Variants in TCERG1L observed in about 807,000 individuals in gnomAD.
TCERG1L encodes the protein transcription elongation regulator 1-like protein.
TCERG1L carries 37 observed loss-of-function variants against 56.3 expected under a neutral mutation model. That is an observed-to-expected ratio of 0.66 (90% CI 0.51 to 0.87). The LOEUF (loss-of-function observed/expected upper bound fraction) is 0.87. Among genes scored for constraint, TCERG1L ranks in the 40% least tolerant of loss-of-function variants. The probability of loss-of-function intolerance (pLI) is 0.00; values close to 1 mark genes in which losing one functional copy is unlikely to be tolerated. For synonymous variants in TCERG1L, 324 were observed against 326.3 expected, an observed-to-expected ratio of 0.99 and a Z score of 0.08; for missense variants, 799 against 774.2, an observed-to-expected ratio of 1.03 and a Z score of -0.38.
chr10:131,263,242 T>C (rs1455524360), intron 3 of TCERG1L, among the ~76,000 whole-genome samples: 1 of 152,170 alleles, frequency 6.6e-6, no homozygotes, highest in Non-Finnish European at 1.5e-5. Context: ...TTCTAAAAAG[T>C]ATGTCATGGA....
At chr10:131,307,848 C>T (rs1056760167) in intron 3 of TCERG1L, among the ~76,000 whole-genome samples, 14 of 152,114 alleles carry the variant, frequency 9.2e-5, no homozygotes, top group South Asian at 2.1e-4. Context: ...ATTCCTTGCA[C>T]GTCGCCACAG....
intron 4 of TCERG1L, among the ~76,000 whole-genome samples, chr10:131,239,503 A>G (rs977864390): frequency 1.3e-5 from 2 of 152,254 alleles, no homozygotes; most frequent in Non-Finnish European, 2.9e-5. Flanking sequence ...AAATAATGAA[A>G]ACAAGTTTGG....
intron 4 of TCERG1L, among the ~76,000 whole-genome samples, chr10:131,258,747 A>C (rs1846202473): frequency 6.6e-6 from 1 of 152,334 alleles, no homozygotes; most frequent in African/African-American, 2.4e-5. Context: ...CTGAACACGC[A>C]TTATTGCAAA....
At chr10:131,164,208 TAA>T (rs1002099149) in intron 5 of TCERG1L, 5 of 149,754 alleles carry the variant, frequency 3.3e-5, no homozygotes, top group African/African-American at 1.2e-4. Context: ...GCCCTAAAAT[TAA>T]AAAGAGAGAA....
chr10:131,154,757 T>C (rs1845901581), intron 6 of TCERG1L, among the ~76,000 whole-genome samples: 1 of 152,180 alleles, frequency 6.6e-6, no homozygotes, highest in South Asian at 2.1e-4. Flanking sequence ...TGTCTGGCCA[T>C]GGTTGCCACC....
At chr10:131,115,170 C>T (rs766451584) in intron 9 of TCERG1L, among the ~76,000 whole-genome samples, 15 of 152,250 alleles carry the variant, frequency 9.9e-5, no homozygotes, top group East Asian at 1.9e-4. Flanking sequence ...GTGAGAGGGC[C>T]GCCTAGTCAC....
chr10:131,133,928 C>T (rs867575491), intron 8 of TCERG1L, among the ~76,000 whole-genome samples: 7 of 152,332 alleles, frequency 4.6e-5, no homozygotes, highest in Middle Eastern at 3.4e-3. Flanking sequence ...AAAGCCTCAT[C>T]TTATACATGA....
In TCERG1L at chr10:131,146,583, A is replaced by G. The variant is rs1212824293; in HGVS notation, c.1112T>C (p.Met371Thr). 6.2e-7 allele frequency: 1 copy of G among 1,613,954 alleles called. No individual in the cohort carries two copies. The highest frequency in any genetic ancestry group is 8.5e-7 in the Non-Finnish European group (1 of 1,179,888). ...GAGGTCTCCGCGGTCCTTCAGGTCCATGGGCTTCTCCCAGACAGACAGGTG... is the reference window on the plus strand; with the variant it reads ...GAGGTCTCCGCGGTCCTTCAGGTCCGTGGGCTTCTCCCAGACAGACAGGTG... ...TMHLSVWEKP[M>T]DLKDRGDLNR... The change falls in exon 7 of 12, where the codon ATG (methionine) becomes ACG (threonine). Residue 371 changes from methionine to threonine, a missense_variant. Met to Thr is a moderately conservative substitution (Grantham distance 81). Coordinates refer to ENST00000368642, the MANE Select transcript of TCERG1L (RefSeq NM_174937.4).
At chr10:131,225,209 C>A (rs949900979) in intron 4 of TCERG1L, among the ~76,000 whole-genome samples, 2 of 152,136 alleles carry the variant, frequency 1.3e-5, no homozygotes, top group African/African-American at 2.4e-5. Flanking sequence ...AAGCAGAGAG[C>A]AAAAATGCTA....
At chr10:131,309,512 C>T (rs10829970) in intron 1 of TCERG1L, among the ~76,000 whole-genome samples, 10,760 of 152,124 alleles carry the variant, frequency 0.071, 472 homozygotes, top group East Asian at 0.17. Context: ...CAAAGCATTA[C>T]CAACATTGCA....
rs751844942 is a variant in TCERG1L at position 131,260,377 on chromosome 10, A to AGCG, written c.735_737dup (p.Ala247dup). 40 of 1,496,594 alleles carry AGCG rather than the reference A, an allele frequency of 2.7e-5. No homozygotes were observed. The highest frequency in any genetic ancestry group is 5.5e-5 in the East Asian group (2 of 36,658). The allele number at this position is 1,496,594 out of a possible 1,614,324, so 92.7% of individuals were successfully genotyped here. A position where few individuals can be genotyped will look rare whatever the true frequency, so the allele number is the denominator to read the frequency against. On this transcript the variant is annotated inframe_insertion, in exon 4 of 12. Transcript: ENST00000368642. The surrounding 1 kb of genome is among the most constrained non-coding windows in gnomAD (Gnocchi z 5.8). ...TCTCAGGGTCCACGGAGACCATGGCAGCGGCGGCGGCGGTGGCGATGGCAA... is the reference window on the plus strand; with the variant it reads ...TCTCAGGGTCCACGGAGACCATGGCAGCGGCGGCGGCGGCGGTGGCGATGGCAA...
chr10:131,244,421 G>A (rs902475906), intron 4 of TCERG1L, among the ~76,000 whole-genome samples: 1 of 152,184 alleles, frequency 6.6e-6, no homozygotes, highest in Non-Finnish European at 1.5e-5. Context: ...TGGGAGAGTG[G>A]AGCATGCAGA....
chr10:131,220,206 C>T (rs1300408270), intron 4 of TCERG1L, among the ~76,000 whole-genome samples: 2 of 152,194 alleles, frequency 1.3e-5, no homozygotes, highest in South Asian at 2.1e-4. Context: ...CCCTGGCTCT[C>T]GGGCCTATTG....
At position 131,166,870 on chromosome 10, in the gene TCERG1L, C is replaced by T. The variant is rs1478202224; in HGVS notation, c.872G>A (p.Arg291Gln). 8.1e-6 allele frequency: 13 copies of T among 1,612,298 alleles called. No homozygotes were observed. The highest frequency in any genetic ancestry group is 2.2e-5 in the East Asian group (1 of 44,896). ...GGCAGGAGGGCGGGCCACTCGGCCC[C>T]GCTCTGTCCTTGTATCTGTTGGGCC... ...TSPVSDTRTE[R>Q]GRVARPPALM... The change falls in exon 5 of 12, where the codon CGG (arginine) becomes CAG (glutamine). Residue 291 changes from arginine (R) to glutamine (Q), a missense_variant. Transcript: ENST00000368642.
At chr10:131,124,220 C>T (rs1015827399) in intron 8 of TCERG1L, among the ~76,000 whole-genome samples, 4 of 152,236 alleles carry the variant, frequency 2.6e-5, no homozygotes, top group East Asian at 3.9e-4. Flanking sequence ...TTACAGGACC[C>T]GCTGCCAGGC....
chr10:131,098,789 GC>G (rs1186729227), intron 10 of TCERG1L, among the ~76,000 whole-genome samples: 1 of 152,190 alleles, frequency 6.6e-6, no homozygotes, highest in African/African-American at 2.4e-5. Context: ...TCCTCACTGT[GC>G]CCTCTGAGCA....
In TCERG1L at chr10:131,246,759, C is replaced by T. The variant is rs542414510; in HGVS notation, c.856+13500G>A. Reference sequence around the variant, plus strand: ...AGGAATTGGGCAGCCACCTTCCAGCCTTGAGGCTGGGCCATCCCCAGAAGT... The same window carrying T: ...AGGAATTGGGCAGCCACCTTCCAGCTTTGAGGCTGGGCCATCCCCAGAAGT... On this transcript the variant is annotated intron_variant, in intron 4 of 11. Transcript: ENST00000368642. 1.1e-4 allele frequency among the ~76,000 whole-genome samples: 16 copies of T among 152,312 alleles called. No individual in the cohort carries two copies. The South Asian group carries it at 3.3e-3, about 32-fold the overall frequency.
intron 4 of TCERG1L, among the ~76,000 whole-genome samples, chr10:131,237,059 C>T (rs1035055103): frequency 6.6e-6 from 1 of 152,014 alleles, no homozygotes; most frequent in African/African-American, 2.4e-5. Flanking sequence ...CCCAGCTCTG[C>T]CCTCCACCTC....
At chr10:131,179,112 C>T (rs919561531) in intron 4 of TCERG1L, among the ~76,000 whole-genome samples, 14 of 152,184 alleles carry the variant, frequency 9.2e-5, no homozygotes, top group Admixed American at 2.0e-4. Context: ...CACACCTGCC[C>T]GGCTCTCTCC....
Sources: gnomAD v4.1 joint callset for allele counts (sites outside exome capture counted in the v4.1 genomes callset) on GRCh38, gnomAD v4.1.1 for gene constraint, Gnocchi (gnomAD v3.1) non-coding constraint, MANE v1.5 for transcripts, NCBI Gene and HGNC (gene_info 2026-07-23, HGNC 2026-07-21) for gene names.